AMPD1: variants seen among roughly 807,000 people sequenced by gnomAD.
AMPD1 encodes AMP deaminase 1.
A neutral mutation model predicts 82.9 loss-of-function variants in AMPD1; 74 were observed. The observed-to-expected ratio is 0.89, with a 90% CI of 0.74 to 1.08. AMPD1 has a LOEUF of 1.08. AMPD1 is among the 50% of genes least tolerant of loss of function. The probability of loss-of-function intolerance (pLI) is 0.00; values close to 1 mark genes in which losing one functional copy is unlikely to be tolerated. For missense variants in AMPD1, 881 were observed against 924.5 expected, an observed-to-expected ratio of 0.95 and a Z score of 0.61; for synonymous variants, 333 against 320.5, an observed-to-expected ratio of 1.04 and a Z score of -0.42.
chr1:114,693,393 T>C (rs1199900935), intron 2 of AMPD1, 43 bp downstream of exon 2: 14 of 1,589,184 alleles, frequency 8.8e-6, no homozygotes, highest in Non-Finnish European at 1.2e-5. Flanking sequence ...TTTTTTTAAA[T>C]TGATACTCTG....
At chr1:114,679,899 G>T (rs990632988) in intron 6 of AMPD1, among the ~76,000 whole-genome samples, 191 bp from the exon 7 acceptor site, 1 of 152,148 alleles carries the variant, frequency 6.6e-6, no homozygotes, top group Non-Finnish European at 1.5e-5. Context: ...AATAATGTTG[G>T]ACATAAGAAT....
In AMPD1 at chr1:114,684,830, G is replaced by A. The variant is rs189972346; in HGVS notation, c.382-466C>T. ...GGAAATATTTTGGGATGAATAAGGG[G>A]TCACAAATCTCTCAAACCCATGCAC... On this transcript the variant is annotated intron_variant, in intron 4 of 15. Coordinates refer to ENST00000520113, the MANE Select transcript of AMPD1 (RefSeq NM_000036.3). Among the ~76,000 whole-genome samples, 203 of 152,296 alleles carry A rather than the reference G, an allele frequency of 1.3e-3. 2 individuals are homozygous for A. Among genetic ancestry groups the A allele is most frequent in the African/African-American group, 4.6e-3 (190 of 41,556 alleles).
chr1:114,693,458 TA>T lies in AMPD1; in HGVS notation c.23-12del. ...CACGTTTCTCTTCAGCTGTATGAAG[TA>T]AAATAAAACAAGATAAAATATGTGA... On this transcript the variant is annotated splice_polypyrimidine_tract_variant and intron_variant, in intron 1 of 15. Coordinates refer to ENST00000520113, the MANE Select transcript of AMPD1 (RefSeq NM_000036.3). 6.2e-7 allele frequency: 1 copy of T among 1,608,032 alleles called. No individual in the cohort carries two copies. Among genetic ancestry groups the T allele is most frequent in the Non-Finnish European group, 8.5e-7 (1 of 1,174,882 alleles).
intron 3 of AMPD1, 175 bp from the exon 4 acceptor site, chr1:114,687,085 C>G: frequency 1.4e-6 from 1 of 713,528 alleles, no homozygotes; most frequent in South Asian, 1.5e-5. Context: ...ACTGAAGACA[C>G]ATGACCTTGT....
chr1:114,693,117 AAAAT>A (rs10601370), intron 2 of AMPD1, among the ~76,000 whole-genome samples: 74,280 of 137,820 alleles, frequency 0.54, 20,354 homozygotes, highest in South Asian at 0.61. Flanking sequence ...CATCCATCTC[AAAAT>A]AAATAAATAA....
chr1:114,674,928 A>G, intron 12 of AMPD1, 56 bp from the exon 13 acceptor site: 1 of 1,609,190 alleles, frequency 6.2e-7, no homozygotes, highest in Non-Finnish European at 8.5e-7. Flanking sequence ...AGTGATTCAC[A>G]AGAAAATTCA....
At chr1:114,689,615 G>A (rs751603165) in intron 2 of AMPD1, among the ~76,000 whole-genome samples, 5 of 152,080 alleles carry the variant, frequency 3.3e-5, no homozygotes, top group African/African-American at 7.2e-5. Context: ...GCAGGAGTTC[G>A]AGACCAGCCT....
chr1:114,681,352 T>TGGGAG (rs1384215632), intron 5 of AMPD1, among the ~76,000 whole-genome samples: 1 of 152,162 alleles, frequency 6.6e-6, no homozygotes, highest in Non-Finnish European at 1.5e-5. Flanking sequence ...CCCAGCATTT[T>TGGGAG]GGGAGGCCAA....
Position 114,675,614 on chromosome 1 carries a change from T to A in AMPD1, c.1595A>T (p.Glu532Val), listed in dbSNP as rs776146662. The change falls in exon 12 of 16, where the codon GAG becomes GTG. Residue 532 changes from glutamate (E) to valine (V), a missense_variant. Physicochemically the swap from Glu to Val is moderately radical, Grantham distance 121. Around this residue, in one of 2 missense-constraint regions of AMPD1, gnomAD observed 783 missense variants for 786.4 expected, o/e 1.00. Coordinates refer to ENST00000520113, the MANE Select transcript of AMPD1 (RefSeq NM_000036.3). The part of the protein sequence containing the change: ...MFSSKSPKPQ[E>V]WTLEKNPSYT... Reference sequence around the variant, plus strand: ...AGATGGATTCTTTTCCAATGTCCACTCCTGGGGCTTGGGACTCTTGGAGGA... The same window carrying A: ...AGATGGATTCTTTTCCAATGTCCACACCTGGGGCTTGGGACTCTTGGAGGA... The A allele has an allele frequency of 2.8e-5, 45 of 1,614,074 alleles. No homozygotes were observed. Among genetic ancestry groups the A allele is most frequent in the Non-Finnish European group, 3.7e-5 (44 of 1,180,022 alleles).
At chr1:114,689,110 T>C (rs1658432731) in intron 2 of AMPD1, among the ~76,000 whole-genome samples, 1 of 152,190 alleles carries the variant, frequency 6.6e-6, no homozygotes, top group African/African-American at 2.4e-5. Flanking sequence ...CCCATTAGGT[T>C]GGTGGAGTTT....
chr1:114,679,785 G>A, intron 6 of AMPD1, 77 bp from the exon 7 acceptor site: 2 of 1,508,824 alleles, frequency 1.3e-6, no homozygotes, highest in Middle Eastern at 1.8e-4. Flanking sequence ...AAAACTATCA[G>A]GACCTTTATC....
chr1:114,686,627 A>G (rs1403864237), intron 4 of AMPD1, 118 bp downstream of exon 4: 3 of 1,068,662 alleles, frequency 2.8e-6, no homozygotes, highest in African/African-American at 1.6e-5. Flanking sequence ...ATGAAGTGTA[A>G]CAAAGGACAG....
intron 3 of AMPD1, among the ~76,000 whole-genome samples, chr1:114,688,187 G>A (rs1321592794): frequency 6.6e-6 from 1 of 152,058 alleles, no homozygotes; most frequent in Non-Finnish European, 1.5e-5. Context: ...GAGTGCAGTG[G>A]GGTGATCTTG....
chr1:114,689,463 TG>T (rs1160232991), intron 2 of AMPD1, among the ~76,000 whole-genome samples: 1 of 152,166 alleles, frequency 6.6e-6, no homozygotes, highest in Middle Eastern at 3.4e-3. Context: ...ATTCTTAAAA[TG>T]GGGGGAAATG....
Position 114,678,043 on chromosome 1 carries a change from T to G in AMPD1, c.1093-2A>C, listed in dbSNP as rs1467054697. The G allele has an allele frequency of 6.2e-7, 1 of 1,613,796 alleles. No homozygotes were observed. The highest frequency in any genetic ancestry group is 1.7e-5 in the Admixed American group (1 of 59,978). The stretch of plus-strand genomic sequence containing the variant: ...AAAACGCTGGAAGGTCTGGCGTCCC[T>G]GAATCAGGAAAAAAGAGCAGAGATG... On this transcript the variant is annotated splice_acceptor_variant, in intron 8 of 15. Coordinates refer to ENST00000520113, the MANE Select transcript of AMPD1 (RefSeq NM_000036.3). LOFTEE classifies it high-confidence loss of function.
chr1:114,678,143 G>T (rs1658055715), intron 8 of AMPD1, 102 bp from the exon 9 acceptor site: 1 of 1,515,280 alleles, frequency 6.6e-7, no homozygotes, highest in Non-Finnish European at 9.1e-7. Flanking sequence ...TAGTGGGGGA[G>T]GGCATTGGGC....
intron 3 of AMPD1, 91 bp from the exon 4 acceptor site, chr1:114,687,001 T>A: frequency 7.1e-7 from 1 of 1,403,688 alleles, no homozygotes; most frequent in Non-Finnish European, 1.0e-6. Flanking sequence ...AATTTTATTC[T>A]GAGGACAAAA....
intron 12 of AMPD1, 98 bp from the exon 13 acceptor site, chr1:114,674,970 G>A (rs1049727695): frequency 6.7e-6 from 10 of 1,481,484 alleles, no homozygotes; most frequent in Middle Eastern, 1.7e-4. Flanking sequence ...AAGGAAGTAA[G>A]CCATCCAAAG....
chr1:114,680,333 T>C lies in AMPD1; in HGVS notation c.693A>G (p.Pro231=). 1.9e-6 allele frequency: 3 copies of C among 1,614,220 alleles called. No individual in the cohort carries two copies. The highest frequency in any genetic ancestry group is 2.2e-5 in the South Asian group (2 of 91,080). ...AGGTGTCCAGATTTGGGTAAGGAAG[T>C]GGCTTAGGCTCATCTTTGCTGACTG... ...EAAVSKDEPK[P]LPYPNLDTFL... Residue 231 remains proline, a synonymous_variant, in exon 6 of 16, where the codon CCA becomes CCG. Coordinates refer to ENST00000520113, the MANE Select transcript of AMPD1 (RefSeq NM_000036.3).
Sources: gnomAD v4.1 joint callset for allele counts (sites outside exome capture counted in the v4.1 genomes callset) on GRCh38, gnomAD v4.1.1 for gene constraint, gnomAD v4.1.1 regional missense constraint, MANE v1.5 for transcripts, NCBI Gene and HGNC (gene_info 2026-07-23, HGNC 2026-07-21) for gene names.